PAPOLG: variants seen among roughly 807,000 people sequenced by gnomAD.
PAPOLG encodes poly(A) polymerase gamma, also known as PAP-gamma.
In PAPOLG, 40 loss-of-function variants were observed where a neutral mutation model predicts 99.0. The ratio of observed to expected loss-of-function variants is 0.40; its 90% confidence interval spans 0.31 to 0.53. PAPOLG has a LOEUF of 0.53. Ranked by LOEUF, PAPOLG falls within the 20% of genes least tolerant of loss-of-function variation. The pLI is 0.41. For missense variants in PAPOLG, 675 were observed against 884.1 expected (o/e 0.76, Z 3.00); for synonymous variants, 310 against 299.3 (o/e 1.04, Z -0.37).
chr2:60,759,018 C>T (rs961355386), intron 1 of PAPOLG, among the ~76,000 whole-genome samples: 17 of 152,098 alleles, frequency 1.1e-4, no homozygotes, highest in African/African-American at 4.1e-4. Context: ...TTTGCCAACC[C>T]CTGTTGGTCC....
Position 60,792,195 on chromosome 2 carries a change from A to C in PAPOLG, c.1585A>C (p.Ser529Arg). 6.2e-7 allele frequency: 1 copy of C among 1,607,688 alleles called. No individual in the cohort carries two copies. Among genetic ancestry groups the C allele is most frequent in the Non-Finnish European group, 8.5e-7 (1 of 1,178,486 alleles). Residue 529 changes from serine to arginine, a missense_variant, in exon 17 of 22, where the codon AGT becomes CGT. Around this residue, in one of 3 missense-constraint regions of PAPOLG, gnomAD observed 413 missense variants for 460.5 expected, o/e 0.90. Transcript: ENST00000238714. ...ATCCAAAAGATTGTCTCTGGATAGC[A>C]GTTGTCTGGATAGCTCCAGAGACAC... ...LQSKRLSLDSSCLDSSRDTDN... is the reference protein window; with the variant it reads ...LQSKRLSLDSRCLDSSRDTDN...
rs1363392682 is a variant in PAPOLG at position 60,782,011 on chromosome 2, C to T, written c.1027+6C>T. The T allele has an allele frequency of 1.9e-6, 3 of 1,612,800 alleles. No homozygotes were observed. Among genetic ancestry groups the T allele is most frequent in the Non-Finnish European group, 2.5e-6 (3 of 1,179,022 alleles). The stretch of plus-strand genomic sequence containing the variant: ...GGTAGAAGAATTTAAACAAGGTAAA[C>T]ATGTGGCCCTGTTGCCCTTTACATA... On this transcript the variant is annotated splice_donor_region_variant and intron_variant, in intron 11 of 21. Coordinates refer to ENST00000238714, the MANE Select transcript of PAPOLG (RefSeq NM_022894.4).
In PAPOLG at chr2:60,797,190, GCAAT is replaced by G; in HGVS notation, c.*33_*36del. The G allele has an allele frequency of 6.2e-7, 1 of 1,611,676 alleles. No homozygotes were observed. Among genetic ancestry groups the G allele is most frequent in the South Asian group, 1.1e-5 (1 of 90,956 alleles). ...AGTGCCTCCTCACTTAAGTGAACAA[GCAAT>G]CATTTAGTGGCATAGATGCAGCCAC... is the stretch of plus-strand genomic sequence containing the variant. On this transcript the variant is annotated 3_prime_UTR_variant, in exon 22 of 22. Transcript: ENST00000238714.
At chr2:60,764,928 A>G (rs1030029218) in intron 3 of PAPOLG, among the ~76,000 whole-genome samples, 1 of 152,184 alleles carries the variant, frequency 6.6e-6, no homozygotes, top group Non-Finnish European at 1.5e-5. Flanking sequence ...AGGGTTATCA[A>G]TAGTTGAAGT....
intron 17 of PAPOLG, among the ~76,000 whole-genome samples, chr2:60,793,074 G>T (rs964097863): frequency 6.6e-6 from 1 of 151,762 alleles, no homozygotes; most frequent in Non-Finnish European, 1.5e-5. Flanking sequence ...GCATGGTAGT[G>T]CACACCTGTA....
intron 13 of PAPOLG, among the ~76,000 whole-genome samples, chr2:60,784,218 G>C (rs527443251): frequency 1.3e-5 from 2 of 152,120 alleles, no homozygotes; most frequent in African/African-American, 2.4e-5. Flanking sequence ...TGATCCACCC[G>C]CCTTGGCCTC....
In PAPOLG at chr2:60,792,300, A is replaced by G. The variant is rs1171167317; in HGVS notation, c.1679+11A>G. The G allele has an allele frequency of 3.2e-6, 5 of 1,582,008 alleles. No individual in the cohort carries two copies. In the African/African-American group the frequency reaches 6.8e-5, roughly 22 times the overall value. ...AGGAGAAACAGAAAGGTCTGTCTTT[A>G]TTTCAAATGTGTCCTTTTGGTTTTC... is the stretch of plus-strand genomic sequence containing the variant. On this transcript the variant is annotated intron_variant, in intron 17 of 21. Transcript: ENST00000238714.
chr2:60,794,041 T>C lies in PAPOLG; in HGVS notation c.1839T>C (p.Asn613=). 1 of 1,614,042 alleles carries C rather than the reference T, an allele frequency of 6.2e-7. No individual in the cohort carries two copies. The highest frequency in any genetic ancestry group is 8.5e-7 in the Non-Finnish European group (1 of 1,179,946). ...VCTIPTVVGR[N]VIPRITTPHN... ...CCATTCCTACCGTAGTAGGACGAAA[T>C]GTCATTCCTAGAATCACAACACCTC... is the stretch of plus-strand genomic sequence containing the variant. Residue 613 remains asparagine (N), a synonymous_variant, in exon 19 of 22, where the codon AAT becomes AAC. Coordinates refer to ENST00000238714, the MANE Select transcript of PAPOLG (RefSeq NM_022894.4).
At position 60,797,419 on chromosome 2, in the gene PAPOLG, T is replaced by C; in HGVS notation, c.*259T>C. 2.3e-6 allele frequency: 1 copy of C among 429,012 alleles called. No individual in the cohort carries two copies. The highest frequency in any genetic ancestry group is 4.0e-5 in the Admixed American group (1 of 25,136). 26.6% of individuals were successfully genotyped at this position (429,012 alleles called of 1,614,324 possible). On this transcript the variant is annotated 3_prime_UTR_variant, in exon 22 of 22. Transcript: ENST00000238714. Reference sequence around the variant, plus strand: ...CATCTACAGTATTACAGCTTTGCATTTGGGGGTTTTACTGCCTTAACTTTC... The same window carrying C: ...CATCTACAGTATTACAGCTTTGCATCTGGGGGTTTTACTGCCTTAACTTTC...
chr2:60,779,033 A>G (rs1671114441), intron 8 of PAPOLG, among the ~76,000 whole-genome samples: 1 of 151,990 alleles, frequency 6.6e-6, no homozygotes, highest in Non-Finnish European at 1.5e-5. Context: ...GCTACAGTGA[A>G]TTATGATTGT....
intron 8 of PAPOLG, among the ~76,000 whole-genome samples, chr2:60,778,838 C>T (rs557679858): frequency 6.6e-6 from 1 of 152,228 alleles, no homozygotes; most frequent in African/African-American, 2.4e-5. Flanking sequence ...CAGTTAGATG[C>T]ATATTTTTCA....
chr2:60,761,684 A>C, intron 2 of PAPOLG, 57 bp from the exon 3 acceptor site: 2 of 1,490,254 alleles, frequency 1.3e-6, no homozygotes, highest in Non-Finnish European at 1.9e-6. Flanking sequence ...TGGGTTTTTA[A>C]AAATACTGTT....
intron 21 of PAPOLG, among the ~76,000 whole-genome samples, chr2:60,795,640 TAATAATGATA>T (rs1296999818): frequency 2.0e-5 from 3 of 151,060 alleles, no homozygotes; most frequent in Admixed American, 2.0e-4. Context: ...GGCTTATTTA[TAATAATGATA>T]AATAATTATA....
At chr2:60,782,505 C>T (rs1431372597) in intron 11 of PAPOLG, 181 bp from the exon 12 acceptor site, 8 of 790,780 alleles carry the variant, frequency 1.0e-5, no homozygotes, top group East Asian at 2.5e-4. Flanking sequence ...TGCAGTGAGC[C>T]GAGATAGATC....
chr2:60,768,803 T>C lies in PAPOLG; in HGVS notation c.351T>C (p.Cys117=). ...CAGGAGCTGACATTGATGCACTTTG[T>C]GTAGCTCCAAGACATGTGGAAAGAT... The part of the protein sequence containing the change: ...HTKGADIDAL[C]VAPRHVERSD... The change falls in exon 5 of 22, where the codon TGT becomes TGC. Residue 117 remains cysteine, a synonymous_variant. Transcript: ENST00000238714. 6.3e-7 allele frequency: 1 copy of C among 1,585,758 alleles called. No homozygotes were observed. Among genetic ancestry groups the C allele is most frequent in the Non-Finnish European group, 8.6e-7 (1 of 1,164,034 alleles).
Position 60,793,712 on chromosome 2 carries a change from G to A in PAPOLG, c.1765G>A (p.Ala589Thr), listed in dbSNP as rs764379498. Residue 589 changes from alanine to threonine, a missense_variant, in exon 18 of 22, where the codon GCA (alanine) becomes ACA (threonine). By Grantham distance (58) the Ala-to-Thr change is moderately conservative. Around this residue, in one of 3 missense-constraint regions of PAPOLG, gnomAD observed 413 missense variants for 460.5 expected, o/e 0.90. Coordinates refer to ENST00000238714, the MANE Select transcript of PAPOLG (RefSeq NM_022894.4). ...AGGACTTTCCATTCCAGTGATTGGC[G>A]CAAGTAGGTATCTAAACTTGTATAT... is the stretch of plus-strand genomic sequence containing the variant. ...AQGLSIPVIGAKVDSTVKTVS... is the reference protein window; with the variant it reads ...AQGLSIPVIGTKVDSTVKTVS... The A allele has an allele frequency of 3.7e-6, 6 of 1,612,422 alleles. No individual in the cohort carries two copies. Among genetic ancestry groups the A allele is most frequent in the Non-Finnish European group, 2.5e-6 (3 of 1,179,110 alleles).
chr2:60,785,649 A>G (rs1040157839), intron 13 of PAPOLG, among the ~76,000 whole-genome samples: 2 of 150,904 alleles, frequency 1.3e-5, no homozygotes, highest in East Asian at 1.9e-4. Context: ...CGGCTCCCCA[A>G]GTAGCTGGGG....
intron 3 of PAPOLG, 95 bp downstream of exon 3, chr2:60,761,902 C>T (rs948708349): frequency 1.1e-4 from 102 of 894,348 alleles, no homozygotes; most frequent in South Asian, 1.3e-4. Flanking sequence ...ATCTGAAATA[C>T]ATCAAAGCTT....
Position 60,760,169 on chromosome 2 carries a change from A to C in PAPOLG, c.53A>C (p.His18Pro), listed in dbSNP as rs754258382. ...CTGGACAGCCAGCGTCAACAAAAGC[A>C]TTATGGAATTACCTCCCCAATTAGT... is the stretch of plus-strand genomic sequence containing the variant. The part of the protein sequence containing the change: ...TVLDSQRQQK[H>P]YGITSPISLA... The change falls in exon 2 of 22, where the codon CAT becomes CCT. Residue 18 changes from histidine (H) to proline (P), a missense_variant. By Grantham distance (77) the His-to-Pro change is moderately conservative. Coordinates refer to ENST00000238714, the MANE Select transcript of PAPOLG (RefSeq NM_022894.4). 2 of 1,614,088 alleles carry C rather than the reference A, an allele frequency of 1.2e-6. No homozygotes were observed. Among genetic ancestry groups the C allele is most frequent in the South Asian group, 2.2e-5 (2 of 91,072 alleles).
Sources: gnomAD v4.1 joint callset for allele counts (sites outside exome capture counted in the v4.1 genomes callset) on GRCh38, gnomAD v4.1.1 for gene constraint, gnomAD v4.1.1 regional missense constraint, MANE v1.5 for transcripts, NCBI Gene and HGNC (gene_info 2026-07-23, HGNC 2026-07-21) for gene names.